The following IAH1 variants were observed in gnomAD, a reference collection of about 807,000 sequenced individuals.
IAH1 encodes isoamyl acetate hydrolyzing esterase 1 (putative), also known as isoamyl acetate-hydrolyzing esterase 1 homolog.
Under a neutral mutation model 26.7 loss-of-function variants are expected in IAH1, and 24 were observed. The observed-to-expected ratio is 0.90, with a 90% confidence interval of 0.65 to 1.26. The LOEUF is 1.26. Among genes scored for constraint, IAH1 ranks in the 50% most tolerant of loss-of-function variants. The probability of loss-of-function intolerance (pLI) is 0.00; values close to 1 mark genes in which losing one functional copy is unlikely to be tolerated. For synonymous variants in IAH1, 140 were observed against 118.5 expected, an observed-to-expected ratio of 1.18 and a Z score of -1.18; for missense variants, 300 against 299.9, an observed-to-expected ratio of 1.00 and a Z score of 0.00.
chr2:9,479,799 T>C (rs1661056651), intron 3 of IAH1, among the ~76,000 whole-genome samples: 1 of 21,676 alleles, frequency 4.6e-5, no homozygotes, highest in Non-Finnish European at 1.2e-4. Flanking sequence ...GTATTGCTTT[T>C]TTTTTTTTTT....
rs1191123718 is a variant in IAH1 at position 9,488,826 on chromosome 2, G to A, written c.*497G>A. 6.6e-6 allele frequency: 1 copy of A among 152,220 alleles called. No individual in the cohort carries two copies. Among genetic ancestry groups the A allele is most frequent in the African/African-American group, 2.4e-5 (1 of 41,432 alleles). 9.4% of individuals were successfully genotyped at this position (152,220 alleles called of 1,614,324 possible). ...GGAAATGGGGGGTAGGAGGAGATAT[G>A]ATTAGTCACAGGTTTGGTTAACTGC... On this transcript the variant is annotated 3_prime_UTR_variant, in exon 6 of 6. Transcript: ENST00000497473.
At chr2:9,477,664 CT>C (rs58198427) in intron 2 of IAH1, among the ~76,000 whole-genome samples, 8,465 of 140,032 alleles carry the variant, frequency 0.06, 271 homozygotes, top group South Asian at 0.088. Context: ...GGCAACCCGG[CT>C]TTTTTTTTTT....
At position 9,475,968 on chromosome 2, in the gene IAH1, T is replaced by C. The variant is rs1197313092; in HGVS notation, c.82-19T>C. 5.0e-6 allele frequency: 8 copies of C among 1,611,582 alleles called. No homozygotes were observed. Among genetic ancestry groups the C allele is most frequent in the Non-Finnish European group, 6.8e-6 (8 of 1,178,310 alleles). ...CGGTTACAGTCATTAGTAGTAATAATGGGCTTTTCTTCCTCCAGTTTTCCT... is the reference window on the plus strand; with the variant it reads ...CGGTTACAGTCATTAGTAGTAATAACGGGCTTTTCTTCCTCCAGTTTTCCT... On this transcript the variant is annotated intron_variant, in intron 1 of 5. Coordinates refer to ENST00000497473, the MANE Select transcript of IAH1 (RefSeq NM_001039613.3).
chr2:9,478,333 T>C lies in IAH1; in HGVS notation c.246T>C (p.Val82=), dbSNP rs2124902427. The C allele has an allele frequency of 1.2e-6, 2 of 1,611,442 alleles. No homozygotes were observed. Among genetic ancestry groups the C allele is most frequent in the East Asian group, 4.5e-5 (2 of 44,772 alleles). ...KGNSLDIPVA[V]TIFFGANDSA... is the part of the protein sequence containing the mutation. Reference sequence around the variant, plus strand: ...ACAGTTTGGACATCCCAGTAGCAGTTACAATTTTCTTTGGGGCCAATGACA... The same window carrying C: ...ACAGTTTGGACATCCCAGTAGCAGTCACAATTTTCTTTGGGGCCAATGACA... The change falls in exon 3 of 6, where the codon GTT becomes GTC. Residue 82 remains valine, a synonymous_variant. Transcript: ENST00000497473.
At chr2:9,490,766 T>G (rs1270670021), downstream of IAH1, among the ~76,000 whole-genome samples, 5 of 152,190 alleles carry the variant, frequency 3.3e-5, no homozygotes, top group Non-Finnish European at 7.3e-5. Context: ...GAAAACTTAC[T>G]TACCATTTGA....
chr2:9,505,179 C>T, the IAH1 span: 185 of 1,614,222 alleles, frequency 1.1e-4, no homozygotes, highest in Non-Finnish European at 1.5e-4. Context: ...CACTGGACAC[C>T]TTCCTTCAAC....
At chr2:9,478,886 T>C (rs954199739) in intron 3 of IAH1, among the ~76,000 whole-genome samples, 1 of 152,240 alleles carries the variant, frequency 6.6e-6, no homozygotes, top group African/African-American at 2.4e-5. Flanking sequence ...AAGAGGCCTT[T>C]CTTCCCCTTC....
the IAH1 span, among the ~76,000 whole-genome samples, chr2:9,504,702 C>G: frequency 1.4e-5 from 2 of 147,080 alleles, no homozygotes; most frequent in African/African-American, 5.1e-5. Flanking sequence ...ACAAAGATTG[C>G]AGTAAGCCAA....
At chr2:9,503,637 G>A in the IAH1 span, among the ~76,000 whole-genome samples, 2 of 151,970 alleles carry the variant, frequency 1.3e-5, no homozygotes, top group Admixed American at 6.5e-5. Flanking sequence ...TCAGGAGTTC[G>A]AGACCAGCCT....
intron 5 of IAH1, among the ~76,000 whole-genome samples, chr2:9,487,112 G>A (rs1428752699): frequency 2.0e-5 from 3 of 152,124 alleles, no homozygotes; most frequent in Non-Finnish European, 1.5e-5. Context: ...ATGGTGGCAC[G>A]TGCCTGTAGT....
At chr2:9,505,951 C>T in the IAH1 span, among the ~76,000 whole-genome samples, 702 of 152,248 alleles carry the variant, frequency 4.6e-3, 2 homozygotes, top group Admixed American at 7.8e-3. Flanking sequence ...ACATTTTCAT[C>T]AACCAGCAAG....
chr2:9,479,297 G>A (rs1661014465), intron 3 of IAH1, among the ~76,000 whole-genome samples: 1 of 151,628 alleles, frequency 6.6e-6, no homozygotes, highest in African/African-American at 2.4e-5. Context: ...CTAAGTATAA[G>A]AGCAGTGGAG....
chr2:9,504,719 G>A, the IAH1 span, among the ~76,000 whole-genome samples: 12,033 of 147,062 alleles, frequency 0.082, 582 homozygotes, highest in African/African-American at 0.14. Context: ...CCAAGATCGC[G>A]CCACTGCACT....
chr2:9,483,391 G>A (rs765490080), intron 4 of IAH1, among the ~76,000 whole-genome samples: 34 of 152,192 alleles, frequency 2.2e-4, no homozygotes, highest in Non-Finnish European at 4.0e-4. Flanking sequence ...CCACAGGCAT[G>A]TGCAACCATG....
At chr2:9,511,506 A>C in the IAH1 span, among the ~76,000 whole-genome samples, 1 of 152,150 alleles carries the variant, frequency 6.6e-6, no homozygotes, top group Non-Finnish European at 1.5e-5. Flanking sequence ...TTATTTTCTC[A>C]ATGACTGAAT....
At chr2:9,482,274 C>A (rs1339974900) in intron 4 of IAH1, among the ~76,000 whole-genome samples, 1 of 152,070 alleles carries the variant, frequency 6.6e-6, no homozygotes. Context: ...GTAATCTGCC[C>A]GACTCAGCCT....
chr2:9,479,795 C>CTTTTTTT (rs5829216), intron 3 of IAH1, among the ~76,000 whole-genome samples: 17 of 69,866 alleles, frequency 2.4e-4, no homozygotes, highest in East Asian at 1.2e-3. Flanking sequence ...CTGTGTATTG[C>CTTTTTTT]TTTTTTTTTT....
chr2:9,490,169 G>A (rs766895883), downstream of IAH1: 2 of 1,584,376 alleles, frequency 1.3e-6, no homozygotes, highest in Admixed American at 3.4e-5. Flanking sequence ...GAAGAGCTGA[G>A]AACTAAATTA....
downstream of IAH1, chr2:9,491,260 T>C: frequency 1.0e-6 from 1 of 970,422 alleles, no homozygotes; most frequent in Non-Finnish European, 1.6e-6. Context: ...AGAACCTGAG[T>C]TGTAGAAAGT....
Sources: gnomAD v4.1 joint callset for allele counts (sites outside exome capture counted in the v4.1 genomes callset) on GRCh38, gnomAD v4.1.1 for gene constraint, MANE v1.5 for transcripts, NCBI Gene and HGNC (gene_info 2026-07-23, HGNC 2026-07-21) for gene names.